CRYBG1: variants seen among roughly 807,000 people sequenced by gnomAD.
CRYBG1 encodes the protein crystallin beta-gamma domain containing 1.
In CRYBG1, 139 loss-of-function variants were observed where a neutral mutation model predicts 189.2. That is an observed-to-expected ratio of 0.73 (90% CI 0.64 to 0.85). CRYBG1 has a LOEUF of 0.85. CRYBG1 is among the 40% of genes least tolerant of loss of function. The probability of loss-of-function intolerance (pLI) is 0.00; values close to 1 mark genes in which losing one functional copy is unlikely to be tolerated. For synonymous variants in CRYBG1, 1,023 were observed against 1,017.1 expected, an observed-to-expected ratio of 1.01 and a Z score of -0.11; for missense variants, 2,611 against 2,675.8, an observed-to-expected ratio of 0.98 and a Z score of 0.53.
intron 1 of CRYBG1, among the ~76,000 whole-genome samples, chr6:106,404,774 A>G (rs1770791279): frequency 6.6e-6 from 1 of 152,054 alleles, no homozygotes; most frequent in African/African-American, 2.4e-5. Flanking sequence ...CAGGAAGCGC[A>G]AGGGGTTGGG....
chr6:106,395,500 T>C (rs1275867292), intron 1 of CRYBG1, among the ~76,000 whole-genome samples: 1 of 152,054 alleles, frequency 6.6e-6, no homozygotes, highest in Admixed American at 6.5e-5. Context: ...TGTATGTATA[T>C]ATTTTAATGC....
chr6:106,504,425 C>G (rs959357047), intron 2 of CRYBG1, among the ~76,000 whole-genome samples: 3 of 152,002 alleles, frequency 2.0e-5, no homozygotes, highest in African/African-American at 7.3e-5. Context: ...TTCTAACAGC[C>G]CTGGAAGAAA....
At position 106,553,510 on chromosome 6, in the gene CRYBG1, C is replaced by T. The variant is rs138855733; in HGVS notation, c.5528C>T (p.Thr1843Ile). 35 of 1,613,554 alleles carry T rather than the reference C, an allele frequency of 2.2e-5. No individual in the cohort carries two copies. In the African/African-American group the frequency reaches 4.5e-4, roughly 21 times the overall value. The change falls in exon 16 of 22, where the codon ACA becomes ATA. Residue 1843 changes from threonine to isoleucine, a missense_variant. Transcript: ENST00000633556. The stretch of plus-strand genomic sequence containing the variant: ...GGTCACAGTCAAAGTTTTGAAGAAA[C>T]AACAAGTCAAATTGATGATTCATTT... ...FQGHSQSFEETTSQIDDSFST... is the reference protein window; with the variant it reads ...FQGHSQSFEEITSQIDDSFST...
chr6:106,488,604 C>T (rs750383056), intron 2 of CRYBG1, among the ~76,000 whole-genome samples: 7 of 152,022 alleles, frequency 4.6e-5, no homozygotes, highest in South Asian at 2.1e-4. Flanking sequence ...AGAGGCTATA[C>T]GCAGCTCTCT....
At position 106,512,993 on chromosome 6, in the gene CRYBG1, A is replaced by G. The variant is rs1164295688; in HGVS notation, c.1876A>G (p.Asn626Asp). 6.2e-7 allele frequency: 1 copy of G among 1,610,054 alleles called. No homozygotes were observed. The highest frequency in any genetic ancestry group is 8.5e-7 in the Non-Finnish European group (1 of 1,179,782). Residue 626 changes from asparagine to aspartate, a missense_variant, in exon 3 of 22, where the codon AAC becomes GAC. Physicochemically the swap from Asn to Asp is conservative, Grantham distance 23. Transcript: ENST00000633556. ...ASDADGLKPR[N>D]HFGVGRSTVT... ...TGACGCCGACGGCTTGAAGCCCAGG[A>G]ACCATTTCGGCGTGGGCAGGTCGAC...
chr6:106,559,450 T>G (rs951848394), intron 18 of CRYBG1, among the ~76,000 whole-genome samples: 1 of 152,050 alleles, frequency 6.6e-6, no homozygotes, highest in Non-Finnish European at 1.5e-5. Flanking sequence ...GGTCTACCTG[T>G]GTACAACAGA....
chr6:106,362,569 G>A (rs998706703), intron 1 of CRYBG1, among the ~76,000 whole-genome samples: 1 of 152,206 alleles, frequency 6.6e-6, no homozygotes, highest in African/African-American at 2.4e-5. Flanking sequence ...CCAGCACTTA[G>A]AAGAGCGTGG....
chr6:106,388,458 G>T lies in CRYBG1; in HGVS notation c.173+27377G>T, dbSNP rs115018208. ...TTTATAAATTTTTGGCAAATGTTTT[G>T]TTGAATTGCCCCTTCTAACTTTATT... On this transcript the variant is annotated intron_variant, in intron 1 of 21. Coordinates refer to ENST00000633556, the MANE Select transcript of CRYBG1 (RefSeq NM_001371242.2). 1.9e-3 allele frequency among the ~76,000 whole-genome samples: 296 copies of T among 152,220 alleles called. 4 individuals carry two copies. Among genetic ancestry groups the T allele is most frequent in the African/African-American group, 6.4e-3 (264 of 41,540 alleles).
intron 1 of CRYBG1, among the ~76,000 whole-genome samples, chr6:106,391,007 C>G (rs75235821): frequency 6.6e-6 from 1 of 152,252 alleles, no homozygotes; most frequent in South Asian, 2.1e-4. Flanking sequence ...GACTGTTTTC[C>G]GAAGTGATTG....
At chr6:106,510,427 G>C (rs1773223758) in intron 2 of CRYBG1, among the ~76,000 whole-genome samples, 1 of 152,202 alleles carries the variant, frequency 6.6e-6, no homozygotes, top group Non-Finnish European at 1.5e-5. Flanking sequence ...CCGCCTTCTG[G>C]CGCGGGCACT....
chr6:106,392,122 T>G (rs1770519542), intron 1 of CRYBG1, among the ~76,000 whole-genome samples: 1 of 152,114 alleles, frequency 6.6e-6, no homozygotes, highest in Non-Finnish European at 1.5e-5. Context: ...GCGATGAGGT[T>G]TAGTCCCCGC....
chr6:106,427,301 T>C (rs1053642069), intron 1 of CRYBG1, among the ~76,000 whole-genome samples: 1 of 152,224 alleles, frequency 6.6e-6, no homozygotes, highest in Admixed American at 6.5e-5. Context: ...TTTTGTAATA[T>C]ATTAAATAAC....
In CRYBG1 at chr6:106,511,914, A is replaced by G; in HGVS notation, c.797A>G (p.Glu266Gly). ...HSSPGNSSRQ[E>G]NAETPARSPG... Reference sequence around the variant, plus strand: ...TCGCCGGGAAATTCCTCCAGGCAAGAGAACGCAGAGACGCCCGCCCGCAGT... The same window carrying G: ...TCGCCGGGAAATTCCTCCAGGCAAGGGAACGCAGAGACGCCCGCCCGCAGT... Residue 266 changes from glutamate (E) to glycine (G), a missense_variant, in exon 3 of 22, where the codon GAG (glutamate) becomes GGG (glycine). Glu to Gly is a moderately conservative substitution (Grantham distance 98). Transcript: ENST00000633556. The G allele has an allele frequency of 1.3e-6, 2 of 1,524,586 alleles. No individual in the cohort carries two copies. Among genetic ancestry groups the G allele is most frequent in the Non-Finnish European group, 1.8e-6 (2 of 1,139,746 alleles). 94.4% of individuals were successfully genotyped at this position (1,524,586 alleles called of 1,614,324 possible).
intron 1 of CRYBG1, among the ~76,000 whole-genome samples, chr6:106,444,766 C>G (rs945927200): frequency 6.6e-6 from 1 of 152,092 alleles, no homozygotes; most frequent in African/African-American, 2.4e-5. Context: ...ATTTGCATTC[C>G]ACTGGTCAGG....
rs1430037876 is a variant in CRYBG1 at position 106,512,452 on chromosome 6, C to T, written c.1335C>T (p.Asp445=). The part of the protein sequence containing the change: ...AELPESAARD[D]AVFDDEVAPN... ...TCCCTGAGAGCGCTGCCAGGGACGA[C>T]GCGGTGTTCGACGACGAGGTGGCGC... is the stretch of plus-strand genomic sequence containing the variant. Residue 445 remains aspartate, a synonymous_variant, in exon 3 of 22, where the codon GAC becomes GAT. Coordinates refer to ENST00000633556, the MANE Select transcript of CRYBG1 (RefSeq NM_001371242.2). The T allele has an allele frequency of 1.9e-6, 3 of 1,610,794 alleles. No homozygotes were observed. Among genetic ancestry groups the T allele is most frequent in the Non-Finnish European group, 2.5e-6 (3 of 1,179,008 alleles).
chr6:106,550,653 A>T (rs1774376419), intron 13 of CRYBG1, among the ~76,000 whole-genome samples: 1 of 152,156 alleles, frequency 6.6e-6, no homozygotes, highest in South Asian at 2.1e-4. Flanking sequence ...GTTGGAAACA[A>T]TATTTTAGTT....
chr6:106,392,696 C>T (rs569512693), intron 1 of CRYBG1, among the ~76,000 whole-genome samples: 2 of 152,238 alleles, frequency 1.3e-5, no homozygotes, highest in African/African-American at 2.4e-5. Context: ...AGATCTTCCA[C>T]GAATAAATTT....
At chr6:106,510,534 G>A (rs1447935364) in intron 2 of CRYBG1, among the ~76,000 whole-genome samples, 1 of 152,246 alleles carries the variant, frequency 6.6e-6, no homozygotes, top group Non-Finnish European at 1.5e-5. Flanking sequence ...CGGCACCCTC[G>A]CATAGGTGGG....
intron 1 of CRYBG1, among the ~76,000 whole-genome samples, chr6:106,381,929 T>C (rs2114320310): frequency 6.6e-6 from 1 of 152,120 alleles, no homozygotes; most frequent in South Asian, 2.1e-4. Context: ...ACAGCCAGAG[T>C]ACATCTAAAC....
Sources: gnomAD v4.1 joint callset for allele counts (sites outside exome capture counted in the v4.1 genomes callset) on GRCh38, gnomAD v4.1.1 for gene constraint, MANE v1.5 for transcripts, NCBI Gene and HGNC (gene_info 2026-07-23, HGNC 2026-07-21) for gene names.